The following AUTS2 variants were observed in gnomAD, a reference collection of about 807,000 sequenced individuals.
AUTS2 encodes autism susceptibility gene 2 protein.
In AUTS2, 17 loss-of-function variants were observed where a neutral mutation model predicts 112.4. That is an observed-to-expected ratio of 0.15 (90% CI 0.10 to 0.23). The LOEUF is 0.23. Ranked by LOEUF, AUTS2 falls within the 10% of genes least tolerant of loss-of-function variation. The pLI is 1.00. For missense variants in AUTS2, 1,510 were observed against 1,701.6 expected (o/e 0.89, Z 1.98); for synonymous variants, 751 against 702.7 (o/e 1.07, Z -1.09).
At chr7:70,772,503 C>T (rs1025789403) in intron 11 of AUTS2, among the ~76,000 whole-genome samples, 1 of 152,196 alleles carries the variant, frequency 6.6e-6, no homozygotes, top group Non-Finnish European at 1.5e-5. Context: ...TGAAGATATT[C>T]TGCTGTGTGC....
intron 4 of AUTS2, among the ~76,000 whole-genome samples, chr7:70,209,449 G>C (rs537700656): frequency 1.3e-5 from 2 of 152,304 alleles, no homozygotes; most frequent in Admixed American, 1.3e-4. Context: ...AATGTCCAGC[G>C]TGGAGGTATA....
At chr7:70,093,430 T>G (rs972071258) in intron 2 of AUTS2, among the ~76,000 whole-genome samples, 7 of 152,212 alleles carry the variant, frequency 4.6e-5, no homozygotes, top group African/African-American at 1.2e-4. Context: ...CATTTTCAGT[T>G]GGATTTTTAA....
intron 1 of AUTS2, among the ~76,000 whole-genome samples, chr7:69,708,340 G>T (rs1367719120): frequency 6.6e-6 from 1 of 152,098 alleles, no homozygotes. Flanking sequence ...ATGACTAATA[G>T]AAAGAAGACG....
chr7:69,996,726 TGTA>T (rs1428861136), intron 2 of AUTS2, among the ~76,000 whole-genome samples: 4 of 152,170 alleles, frequency 2.6e-5, no homozygotes, highest in Non-Finnish European at 5.9e-5. Context: ...AAGTGCCTGT[TGTA>T]GTATATATCT....
At chr7:70,094,718 T>C (rs1804100392) in intron 2 of AUTS2, among the ~76,000 whole-genome samples, 1 of 152,136 alleles carries the variant, frequency 6.6e-6, no homozygotes, top group African/African-American at 2.4e-5. Context: ...TGCCAACAAT[T>C]GAAAGTCTGA....
intron 1 of AUTS2, among the ~76,000 whole-genome samples, chr7:69,827,741 G>C (rs896749381): frequency 6.6e-6 from 1 of 152,142 alleles, no homozygotes; most frequent in African/African-American, 2.4e-5. Context: ...ATGAGAGAAG[G>C]GTTGTTCTGT....
chr7:69,899,622 C>A, intron 2 of AUTS2, 124 bp downstream of exon 2: 2 of 884,360 alleles, frequency 2.3e-6, no homozygotes, highest in Non-Finnish European at 3.5e-6. Context: ...AGTGGTTGTC[C>A]AACAAAGCTG....
At chr7:69,665,961 A>G (rs1796014069) in intron 1 of AUTS2, among the ~76,000 whole-genome samples, 1 of 152,196 alleles carries the variant, frequency 6.6e-6, no homozygotes, top group South Asian at 2.1e-4. Flanking sequence ...AACTGCCATC[A>G]CGGAGTTAGA....
In AUTS2 at chr7:70,255,096, C is replaced by T. The variant is rs866134968; in HGVS notation, c.660+120525C>T. ...TACCTTTTTTTTTTTTTTTTTTTGA[C>T]GGAGTCTCACTCTGTCGCCCAGGCT... On this transcript the variant is annotated intron_variant, in intron 4 of 18. Transcript: ENST00000342771. Among the ~76,000 whole-genome samples the T allele has an allele frequency of 2.9e-4, 26 of 90,370 alleles. No individual in the cohort carries two copies. In the Admixed American group the frequency reaches 2.9e-3, roughly 10 times the overall value. The allele number at this position is 90,370 out of a possible 152,430, so 59.3% of individuals were successfully genotyped here.
At chr7:70,084,589 G>A (rs1201667884) in intron 2 of AUTS2, among the ~76,000 whole-genome samples, 3 of 152,122 alleles carry the variant, frequency 2.0e-5, no homozygotes, top group Non-Finnish European at 4.4e-5. Context: ...GGTATATAGT[G>A]CTATCTCATT....
intron 5 of AUTS2, among the ~76,000 whole-genome samples, chr7:70,493,472 C>T (rs989245741): frequency 1.6e-4 from 25 of 152,124 alleles, no homozygotes; most frequent in African/African-American, 6.0e-4. Flanking sequence ...TTCTTAATTA[C>T]TACTCTGGAT....
At chr7:70,169,998 A>G (rs1808583923) in intron 4 of AUTS2, among the ~76,000 whole-genome samples, 2 of 152,084 alleles carry the variant, frequency 1.3e-5, no homozygotes, top group South Asian at 4.1e-4. Context: ...TTGCAGTAAT[A>G]CTTGCTGAAA....
chr7:70,109,614 G>A (rs1804961235), intron 2 of AUTS2, among the ~76,000 whole-genome samples: 1 of 152,120 alleles, frequency 6.6e-6, no homozygotes, highest in East Asian at 1.9e-4. Context: ...AGGAATGTCT[G>A]GCTTACTACG....
chr7:70,347,226 A>G (rs1791536317), intron 4 of AUTS2, among the ~76,000 whole-genome samples: 1 of 152,156 alleles, frequency 6.6e-6, no homozygotes, highest in Non-Finnish European at 1.5e-5. Context: ...CTTAACTTCC[A>G]TGATACCTCC....
chr7:70,745,573 G>A (rs1484449919), intron 6 of AUTS2, among the ~76,000 whole-genome samples: 1 of 152,098 alleles, frequency 6.6e-6, no homozygotes, highest in Non-Finnish European at 1.5e-5. Flanking sequence ...AAGTGTGTTT[G>A]TCCTCATAAA....
chr7:69,993,950 A>T (rs1229511166), intron 2 of AUTS2, among the ~76,000 whole-genome samples: 1 of 152,206 alleles, frequency 6.6e-6, no homozygotes, highest in East Asian at 1.9e-4. Context: ...TATGGAAGAG[A>T]ACAGTGTGGT....
intron 2 of AUTS2, among the ~76,000 whole-genome samples, chr7:70,073,510 CAAA>C (rs778228658): frequency 4.6e-5 from 3 of 65,176 alleles, no homozygotes; most frequent in Admixed American, 1.7e-4. Context: ...GACCTCATCT[CAAA>C]AAAAAAAAAA....
intron 5 of AUTS2, among the ~76,000 whole-genome samples, chr7:70,615,761 AT>A (rs907871639): frequency 6.7e-6 from 1 of 149,356 alleles, no homozygotes. Flanking sequence ...TTCTGTTCAA[AT>A]TTTTTTTTTG....
At chr7:70,788,816 C>G (rs760734116) in intron 18 of AUTS2, among the ~76,000 whole-genome samples, 20 of 152,250 alleles carry the variant, frequency 1.3e-4, no homozygotes, top group Non-Finnish European at 2.6e-4. Flanking sequence ...TGGCAGCCTG[C>G]TGCTCTCCTC....
Sources: gnomAD v4.1 joint callset for allele counts (sites outside exome capture counted in the v4.1 genomes callset) on GRCh38, gnomAD v4.1.1 for gene constraint, MANE v1.5 for transcripts, NCBI Gene and HGNC (gene_info 2026-07-23, HGNC 2026-07-21) for gene names.